MCM3AP: variants seen among roughly 807,000 people sequenced by gnomAD.
The protein encoded by MCM3AP is germinal-center associated nuclear protein.
A neutral mutation model predicts 184.1 loss-of-function variants in MCM3AP; 126 were observed. The ratio of observed to expected loss-of-function variants is 0.68; its 90% CI spans 0.59 to 0.79. The LOEUF is 0.79. Among genes scored for constraint, MCM3AP ranks in the 30% least tolerant of loss-of-function variants. MCM3AP has a pLI of 0.00. For missense variants in MCM3AP, 2,496 were observed against 2,479.2 expected, an observed-to-expected ratio of 1.01 and a Z score of -0.14; for synonymous variants, 1,002 against 979.3, an observed-to-expected ratio of 1.02 and a Z score of -0.43.
intron 26 of MCM3AP, 55 bp from the exon 27 acceptor site, chr21:46,237,034 T>C: frequency 9.0e-7 from 1 of 1,110,916 alleles, no homozygotes. Flanking sequence ...AGTTAACTAT[T>C]GTTCATTAAT....
intron 20 of MCM3AP, among the ~76,000 whole-genome samples, chr21:46,248,616 GAA>G (rs61450735): frequency 3.1e-5 from 4 of 128,058 alleles, no homozygotes; most frequent in African/African-American, 5.7e-5. Flanking sequence ...TAACAGAGAG[GAA>G]AAAAAAAAAA....
chr21:46,235,466 C>A, intron 27 of MCM3AP, 40 bp from the exon 28 acceptor site: 1 of 1,560,304 alleles, frequency 6.4e-7, no homozygotes, highest in South Asian at 1.1e-5. Context: ...TTTGGGATGT[C>A]AATAAACCAC....
rs758506839 is a variant in MCM3AP, at chr21:46,265,935, G to A, written c.3021C>T (p.Ser1007=). The A allele has an allele frequency of 3.0e-5, 47 of 1,577,820 alleles. No individual in the cohort carries two copies. Among genetic ancestry groups the A allele is most frequent in the Non-Finnish European group, 3.5e-5 (40 of 1,158,120 alleles). ...ELPVSTQRPG[S]DTVGGGRGEE... ...TGCAGCTTCACTCACCCACTGTGTC[G>A]GAGCCGGGTCTCTGGGTGCTGACGG... Residue 1007 remains serine, a synonymous_variant, in exon 11 of 28, where the codon TCC becomes TCT. Transcript: ENST00000291688.
intron 13 of MCM3AP, among the ~76,000 whole-genome samples, chr21:46,261,747 AAAG>A (rs931473611): frequency 4.6e-5 from 7 of 151,634 alleles, no homozygotes; most frequent in African/African-American, 1.4e-4. Context: ...AAAAAAAAAA[AAAG>A]AAAGAAAAAT....
At chr21:46,280,752 C>T (rs75145622) in intron 2 of MCM3AP, among the ~76,000 whole-genome samples, 177 bp from the exon 3 acceptor site, 1 of 152,120 alleles carries the variant, frequency 6.6e-6, no homozygotes, top group Non-Finnish European at 1.5e-5. Context: ...TCTCTGGCTG[C>T]GGCAGCAGCA....
At chr21:46,241,926 C>A (rs2123814911) in intron 25 of MCM3AP, 1 of 152,266 alleles carries the variant, frequency 6.6e-6, no homozygotes, top group South Asian at 2.1e-4. Flanking sequence ...GAAGGTACTT[C>A]AAGGATCTCT....
At position 46,260,820 on chromosome 21, in the gene MCM3AP, A is replaced by G. The variant is rs369287079; in HGVS notation, c.3554T>C (p.Val1185Ala). 18 of 1,613,926 alleles carry G rather than the reference A, an allele frequency of 1.1e-5. No homozygotes were observed. Among genetic ancestry groups the G allele is most frequent in the Non-Finnish European group, 1.5e-5 (18 of 1,179,938 alleles). The change falls in exon 15 of 28, where the codon GTG (valine) becomes GCG (alanine). Residue 1185 changes from valine (V) to alanine (A), a missense_variant. Transcript: ENST00000291688. ...ELMERVMMEF[V>A]RETCSQELKN... ...CAACTCCTGGGAGCAGGTTTCCCTCACAAACTCCATCATCACGCGTTCCAT... is the reference window on the plus strand; with the variant it reads ...CAACTCCTGGGAGCAGGTTTCCCTCGCAAACTCCATCATCACGCGTTCCAT...
chr21:46,260,688 G>T, intron 15 of MCM3AP, 105 bp downstream of exon 15: 1 of 770,198 alleles, frequency 1.3e-6, no homozygotes, highest in Non-Finnish European at 2.2e-6. Context: ...GCTTAGACAG[G>T]CAAGATCCAT....
Position 46,273,252 on chromosome 21 carries a change from G to A in MCM3AP, c.2196+136C>T, listed in dbSNP as rs1210380712. 5 of 834,074 alleles carry A rather than the reference G, an allele frequency of 6.0e-6. No individual in the cohort carries two copies. The African/African-American group carries it at 6.8e-5, about 11-fold the overall frequency. 51.7% of individuals were successfully genotyped at this position (834,074 alleles called of 1,614,324 possible). A position where few individuals can be genotyped will look rare whatever the true frequency, so the allele number is the denominator to read the frequency against. The stretch of plus-strand genomic sequence containing the variant: ...GGCCTCCCAGAGTGCTGGGATTACA[G>A]GCCTGAGCCACTGCACCTGGCCCAC... On this transcript the variant is annotated intron_variant, in intron 7 of 27. Coordinates refer to ENST00000291688, the MANE Select transcript of MCM3AP (RefSeq NM_003906.5).
chr21:46,242,718 G>T, intron 25 of MCM3AP, 84 bp downstream of exon 25: 1 of 1,392,280 alleles, frequency 7.2e-7, no homozygotes, highest in Non-Finnish European at 9.9e-7. Flanking sequence ...ACTGGATTTG[G>T]CATGTAGGAT....
At chr21:46,261,747 A>AAAG (rs931473611) in intron 13 of MCM3AP, among the ~76,000 whole-genome samples, 12 of 151,634 alleles carry the variant, frequency 7.9e-5, no homozygotes, top group Non-Finnish European at 1.8e-4. Flanking sequence ...AAAAAAAAAA[A>AAAG]AAGAAAGAAA....
Position 46,243,514 on chromosome 21 carries a change from G to C in MCM3AP, c.5247C>G (p.Ile1749Met). The C allele has an allele frequency of 6.2e-7, 1 of 1,614,134 alleles. No individual in the cohort carries two copies. Among genetic ancestry groups the C allele is most frequent in the South Asian group, 1.1e-5 (1 of 91,084 alleles). The part of the protein sequence containing the change: ...IPWDDLIALC[I>M]NHKLRDWTPP... ...GCGTCCAGTCTCTCAGCTTGTGGTTGATACACAAGGCGATAAGATCATCCC... is the reference window on the plus strand; with the variant it reads ...GCGTCCAGTCTCTCAGCTTGTGGTTCATACACAAGGCGATAAGATCATCCC... The change falls in exon 24 of 28, where the codon ATC becomes ATG. Residue 1749 changes from isoleucine to methionine, a missense_variant. Ile to Met is a conservative substitution (Grantham distance 10). Around this residue, in one of 5 missense-constraint regions of MCM3AP, gnomAD observed 1,323 missense variants for 1,273.4 expected, o/e 1.04. Transcript: ENST00000291688.
rs765013692 is a variant in MCM3AP at position 46,251,540 on chromosome 21, C to A, written c.4279G>T (p.Val1427Leu). The A allele has an allele frequency of 1.9e-6, 3 of 1,609,160 alleles. No homozygotes were observed. The highest frequency in any genetic ancestry group is 2.6e-6 in the Non-Finnish European group (3 of 1,176,162). Residue 1427 changes from valine to leucine, a missense_variant, in exon 20 of 28, where the codon GTG becomes TTG. Val to Leu is a conservative substitution (Grantham distance 32). Around this residue, in one of 5 missense-constraint regions of MCM3AP, gnomAD observed 1,323 missense variants for 1,273.4 expected, o/e 1.04. Coordinates refer to ENST00000291688, the MANE Select transcript of MCM3AP (RefSeq NM_003906.5). ...TAATTATAGTTCACCTTTATACACA[C>A]GTTAACAGAAATCATCTGATCCCCT... ...SKGDQMISVN[V>L]CIKVAHGALS...
chr21:46,246,977 T>G, intron 20 of MCM3AP, 91 bp from the exon 21 acceptor site: 4 of 1,361,922 alleles, frequency 2.9e-6, no homozygotes, highest in Non-Finnish European at 4.1e-6. Context: ...GCCAAAGCTC[T>G]CCGTGCACTA....
At chr21:46,260,606 TATA>T (rs1477893120) in intron 15 of MCM3AP, among the ~76,000 whole-genome samples, 184 bp downstream of exon 15, 2 of 152,362 alleles carry the variant, frequency 1.3e-5, no homozygotes, top group Middle Eastern at 3.4e-3. Context: ...GAGAATTTTT[TATA>T]ATAAAATTCT....
At position 46,242,911 on chromosome 21, in the gene MCM3AP, G is replaced by T; in HGVS notation, c.5317C>A (p.Gln1773Lys). 6.2e-7 allele frequency: 1 copy of T among 1,608,744 alleles called. No individual in the cohort carries two copies. Among genetic ancestry groups the T allele is most frequent in the South Asian group, 1.1e-5 (1 of 90,614 alleles). Residue 1773 changes from glutamine to lysine, a missense_variant, in exon 25 of 28, where the codon CAG becomes AAG. Transcript: ENST00000291688. ...TTTTTAAAAAAATACACACATATCT[G>T]ACCATCTTCACTCAGCGCCTCTGAG... ...VTSEALSEDG[Q>K]ICVYFFKNDL...
At chr21:46,253,117 T>C (rs2080897984) in intron 19 of MCM3AP, 1 of 147,380 alleles carries the variant, frequency 6.8e-6, no homozygotes, top group South Asian at 2.2e-4. Flanking sequence ...CTAGCCTGGG[T>C]GACAACAAAG....
chr21:46,276,740 ATT>A (rs34562786), intron 5 of MCM3AP, among the ~76,000 whole-genome samples: 36 of 131,338 alleles, frequency 2.7e-4, no homozygotes, highest in Non-Finnish European at 3.8e-4. Context: ...CACGCCCAGC[ATT>A]TTTTTTTTTT....
rs1472257276 is a variant in MCM3AP at position 46,284,901 on chromosome 21, T to C, written c.386A>G (p.Gln129Arg). The C allele has an allele frequency of 6.2e-7, 1 of 1,614,248 alleles. No homozygotes were observed. The highest frequency in any genetic ancestry group is 2.2e-5 in the East Asian group (1 of 44,892). ...GAFPSTSAFGQEAGEIVNSGF... is the reference protein window; with the variant it reads ...GAFPSTSAFGREAGEIVNSGF... ...AGAGTTCACTATTTCTCCAGCTTCT[T>C]GTCCAAAAGCAGAAGTGCTTGGGAA... is the stretch of plus-strand genomic sequence containing the variant. The change falls in exon 1 of 28, where the codon CAA becomes CGA. Residue 129 changes from glutamine to arginine, a missense_variant. Physicochemically the swap from Gln to Arg is conservative, Grantham distance 43. Coordinates refer to ENST00000291688, the MANE Select transcript of MCM3AP (RefSeq NM_003906.5).
Sources: allele counts gnomAD v4.1 joint callset (sites outside exome capture counted in the v4.1 genomes callset), GRCh38; gene constraint gnomAD v4.1.1; regional missense constraint gnomAD v4.1.1; transcripts MANE v1.5; gene names NCBI Gene and HGNC (gene_info 2026-07-23, HGNC 2026-07-21).